The following ZER1 variants were observed in gnomAD, a reference collection of about 807,000 sequenced individuals.
ZER1 encodes zyg-11 related cell cycle regulator.
Under a neutral mutation model 78.8 loss-of-function variants are expected in ZER1, and 11 were observed. The observed-to-expected ratio is 0.14, with a 90% CI of 0.09 to 0.23. ZER1 has a LOEUF of 0.23. Ranked by LOEUF, ZER1 falls within the 10% of genes least tolerant of loss-of-function variation. The probability of loss-of-function intolerance (pLI) is 1.00; values close to 1 mark genes in which losing one functional copy is unlikely to be tolerated. For synonymous variants in ZER1, 400 were observed against 407.0 expected, an observed-to-expected ratio of 0.98 and a Z score of 0.21; for missense variants, 588 against 996.9, an observed-to-expected ratio of 0.59 and a Z score of 5.52.
Position 128,751,080 on chromosome 9 carries a change from T to G in ZER1, c.1185+42A>C, listed in dbSNP as rs1164885327. On this transcript the variant is annotated intron_variant, in intron 7 of 15. Transcript: ENST00000291900. The surrounding 1 kb of genome is among the most constrained non-coding windows in gnomAD (Gnocchi z 5.4). ...TCAGCCAAGCCCGGCAACCTCCAGG[T>G]GGGGAGGGACAGGAGGCCAAGGCCC... The G allele has an allele frequency of 3.2e-6, 5 of 1,549,646 alleles. No homozygotes were observed. Among genetic ancestry groups the G allele is most frequent in the South Asian group, 1.2e-5 (1 of 82,876 alleles).
intron 14 of ZER1, among the ~76,000 whole-genome samples, chr9:128,735,029 G>A (rs1409065351): frequency 1.3e-5 from 2 of 150,578 alleles, no homozygotes; most frequent in African/African-American, 4.9e-5. Flanking sequence ...TAGCTGGTGT[G>A]CACCACTGAG....
At position 128,755,269 on chromosome 9, in the gene ZER1, G is replaced by T; in HGVS notation, c.158+139C>A. On this transcript the variant is annotated intron_variant, in intron 2 of 15. Transcript: ENST00000291900. The surrounding 1 kb of genome is among the most constrained non-coding windows in gnomAD (Gnocchi z 5.6). ...TACACCACTATTCTCTTGCAGCCAT[G>T]AACATCCATGTGCACACACACACAC... The T allele has an allele frequency of 8.0e-7, 1 of 1,245,440 alleles. No homozygotes were observed. The highest frequency in any genetic ancestry group is 1.1e-6 in the Non-Finnish European group (1 of 873,422). The allele number at this position is 1,245,440 out of a possible 1,614,324, so 77.1% of individuals were successfully genotyped here. A position where few individuals can be genotyped will look rare whatever the true frequency, so the allele number is the denominator to read the frequency against.
rs1334017567 is a variant in ZER1 at position 128,755,627 on chromosome 9, G to C, written c.-62C>G. ...ATCCCCAGGGGCAACAGTGATTCCT[G>C]AATACTCACAGGATCATTGGCAGAG... On this transcript the variant is annotated 5_prime_UTR_variant, in exon 2 of 16. Coordinates refer to ENST00000291900, the MANE Select transcript of ZER1 (RefSeq NM_006336.4). The surrounding 1 kb of genome is among the most constrained non-coding windows in gnomAD (Gnocchi z 5.6). 3.2e-6 allele frequency: 5 copies of C among 1,579,636 alleles called. No homozygotes were observed. The African/African-American group carries it at 6.7e-5, about 21-fold the overall frequency.
Position 128,751,578 on chromosome 9 carries a change from G to A in ZER1, c.924-51C>T, listed in dbSNP as rs1343928360. 6.5e-7 allele frequency: 1 copy of A among 1,527,574 alleles called. No individual in the cohort carries two copies. The highest frequency in any genetic ancestry group is 9.0e-7 in the Non-Finnish European group (1 of 1,111,624). 94.6% of individuals were successfully genotyped at this position (1,527,574 alleles called of 1,614,324 possible). ...GTGGCTTGGGACCCAGGCCTGAGCT[G>A]GGCCTCCCCACTGGGGGTGGTGAGG... is the stretch of plus-strand genomic sequence containing the variant. On this transcript the variant is annotated intron_variant, in intron 5 of 15. Transcript: ENST00000291900. The surrounding 1 kb of genome is among the most constrained non-coding windows in gnomAD (Gnocchi z 5.4).
intron 13 of ZER1, 27 bp downstream of exon 13, chr9:128,739,904 C>A (rs757457231): frequency 6.3e-7 from 1 of 1,591,652 alleles, no homozygotes; most frequent in South Asian, 1.1e-5. Flanking sequence ...TTCCACACCG[C>A]ATCCCCGCTC....
rs1047200996 is a variant in ZER1 at position 128,732,548 on chromosome 9, T to G, written c.2243+878A>C. 2.6e-5 allele frequency among the ~76,000 whole-genome samples: 4 copies of G among 152,134 alleles called. No individual in the cohort carries two copies. The highest frequency in any genetic ancestry group is 1.3e-4 in the Admixed American group (2 of 15,268). ...CCACGCCGAGCTAATTTTTGTATTT[T>G]TAGTAGAGACGGGGTTTTACCATGT... On this transcript the variant is annotated intron_variant, in intron 15 of 15. Transcript: ENST00000291900. The surrounding 1 kb of genome is among the most constrained non-coding windows in gnomAD (Gnocchi z 4.8).
intron 1 of ZER1, among the ~76,000 whole-genome samples, chr9:128,771,285 G>A (rs1300533476): frequency 6.6e-6 from 1 of 152,156 alleles, no homozygotes; most frequent in Non-Finnish European, 1.5e-5. Flanking sequence ...CTTCTCTGGG[G>A]GAACTTAAGC....
chr9:128,735,800 C>T lies in ZER1; in HGVS notation c.2043-369G>A, dbSNP rs148304664. Among the ~76,000 whole-genome samples, 377 of 90,832 alleles carry T rather than the reference C, an allele frequency of 4.2e-3. 6 individuals carry two copies. In the East Asian group the frequency reaches 0.051, roughly 12 times the overall value. 59.6% of individuals were successfully genotyped at this position (90,832 alleles called of 152,430 possible). A position where few individuals can be genotyped will look rare whatever the true frequency, so the allele number is the denominator to read the frequency against. On this transcript the variant is annotated intron_variant, in intron 13 of 15. Transcript: ENST00000291900. ...TTTTTTTTTTTTTTTTTTTGTGAGA[C>T]GGAGTTTCGCTCTGTTGCCCAGGCT...
In ZER1 at chr9:128,742,638, C is replaced by T. The variant is rs746522166; in HGVS notation, c.1467G>A (p.Thr489=). ...NELLLSILNP[T]RQDESIQRIA... ...TCCGCTGGATAGACTCGTCCTGCCG[C>T]GTGGGGTTGAGGATGCTGAGCAGGA... The change falls in exon 9 of 16, where the codon ACG becomes ACA. Residue 489 remains threonine (T), a synonymous_variant. Transcript: ENST00000291900. The T allele has an allele frequency of 7.4e-5, 119 of 1,614,100 alleles. No homozygotes were observed. Among genetic ancestry groups the T allele is most frequent in the Non-Finnish European group, 9.4e-5 (111 of 1,180,054 alleles).
At chr9:128,765,237 A>G (rs1251734213) in intron 1 of ZER1, among the ~76,000 whole-genome samples, 1 of 152,012 alleles carries the variant, frequency 6.6e-6, no homozygotes, top group African/African-American at 2.4e-5. Flanking sequence ...ACACACACAC[A>G]CACACACACA....
chr9:128,740,792 G>C lies in ZER1; in HGVS notation c.1833C>G (p.Ser611=), dbSNP rs955558432. Residue 611 remains serine (S), a synonymous_variant, in exon 12 of 16, where the codon TCC becomes TCG. Transcript: ENST00000291900. This position sits in a 1 kb window ranked among gnomAD's most constrained non-coding sequence, Gnocchi z 4.4. ...VKELRPQLMT[S]QFISVFSNLL... ...CCAACCTGAAGACGCTGATGAACTG[G>C]GAAGTCATTAGTTGAGGCCTCAGCT... 1 of 780,920 alleles carries C rather than the reference G, an allele frequency of 1.3e-6. No homozygotes were observed. The highest frequency in any genetic ancestry group is 1.7e-5 in the African/African-American group (1 of 59,144). 48.4% of individuals were successfully genotyped at this position (780,920 alleles called of 1,614,324 possible).
intron 1 of ZER1, among the ~76,000 whole-genome samples, chr9:128,761,328 C>T (rs1864038699): frequency 6.6e-6 from 1 of 151,822 alleles, no homozygotes; most frequent in South Asian, 2.1e-4. Context: ...GCTCTGTCAC[C>T]CAGGCTGGAG....
At chr9:128,749,899 C>T (rs531119539) in intron 8 of ZER1, among the ~76,000 whole-genome samples, 2 of 152,030 alleles carry the variant, frequency 1.3e-5, no homozygotes, top group East Asian at 1.9e-4. Flanking sequence ...CAAAATTAGC[C>T]GGGCATGGTG....
chr9:128,750,995 G>A, intron 7 of ZER1, 127 bp downstream of exon 7: 1 of 1,429,746 alleles, frequency 7.0e-7, no homozygotes, highest in Non-Finnish European at 9.3e-7. Context: ...CCAGGCTGGG[G>A]TTCGGGTCCT....
At chr9:128,731,740 A>AT (rs1161689997) in intron 15 of ZER1, among the ~76,000 whole-genome samples, 2 of 151,896 alleles carry the variant, frequency 1.3e-5, no homozygotes, top group African/African-American at 4.8e-5. Flanking sequence ...CCTCTTCTTC[A>AT]TTTTCCCTGC....
rs1053856682 is a variant in ZER1 at position 128,739,609 on chromosome 9, A to G, written c.2042+322T>C. Among the ~76,000 whole-genome samples, 7 of 151,476 alleles carry G rather than the reference A, an allele frequency of 4.6e-5. 1 individual carries two copies. The highest frequency in any genetic ancestry group is 3.9e-4 in the Admixed American group (6 of 15,224). On this transcript the variant is annotated intron_variant, in intron 13 of 15. Transcript: ENST00000291900. The stretch of plus-strand genomic sequence containing the variant: ...GGGCAAGAGCTACTGTGCCCGGCCC[A>G]CCTGTATGGTTTTCTGTTGTGTGTC...
At chr9:128,760,403 C>T (rs899273090) in intron 1 of ZER1, among the ~76,000 whole-genome samples, 4 of 151,576 alleles carry the variant, frequency 2.6e-5, no homozygotes, top group Middle Eastern at 3.2e-3. Flanking sequence ...GGGGTTTAAC[C>T]GTGTTAGCCA....
At chr9:128,733,307 T>C (rs1564388846) in intron 15 of ZER1, 119 bp downstream of exon 15, 1 of 774,032 alleles carries the variant, frequency 1.3e-6, no homozygotes, top group East Asian at 2.7e-5. Flanking sequence ...TCAACCTCCA[T>C]ACTCAACTCT....
chr9:128,759,100 C>A (rs1304965846), intron 1 of ZER1, among the ~76,000 whole-genome samples: 1 of 150,700 alleles, frequency 6.6e-6, no homozygotes, highest in Non-Finnish European at 1.5e-5. Flanking sequence ...GGGTTCAAGT[C>A]ATTCTCCTGC....
Sources: allele counts gnomAD v4.1 joint callset (sites outside exome capture counted in the v4.1 genomes callset), GRCh38; gene constraint gnomAD v4.1.1; non-coding constraint Gnocchi (gnomAD v3.1); transcripts MANE v1.5; gene names NCBI Gene and HGNC (gene_info 2026-07-23, HGNC 2026-07-21).